R3HCC1L: variants seen among roughly 807,000 people sequenced by gnomAD.
R3HCC1L encodes R3H domain and coiled-coil containing 1 like, also known as coiled-coil domain-containing protein R3HCC1L.
In R3HCC1L, 51 loss-of-function variants were observed where a neutral mutation model predicts 59.9. The ratio of observed to expected loss-of-function variants is 0.85; its 90% CI spans 0.68 to 1.07. The LOEUF is 1.07. R3HCC1L is among the 50% of genes least tolerant of loss of function. The probability of loss-of-function intolerance (pLI) is 0.00; values close to 1 mark genes in which losing one functional copy is unlikely to be tolerated. For missense variants in R3HCC1L, 965 were observed against 933.0 expected (o/e 1.03, Z -0.45); for synonymous variants, 322 against 315.2 (o/e 1.02, Z -0.23).
At chr10:98,186,695 T>C (rs1850255092) in intron 4 of R3HCC1L, 1 of 177,608 alleles carries the variant, frequency 5.6e-6, no homozygotes, top group South Asian at 1.9e-4. Context: ...GATAAACAGC[T>C]CTCATATGAT....
At chr10:98,141,885 G>T (rs189430600) in intron 1 of R3HCC1L, among the ~76,000 whole-genome samples, 1 of 152,292 alleles carries the variant, frequency 6.6e-6, no homozygotes, top group East Asian at 1.9e-4. Context: ...AGTTACATGG[G>T]ATCTGCTTCT....
chr10:98,162,672 T>G (rs201304851), intron 2 of R3HCC1L, among the ~76,000 whole-genome samples: 4 of 148,030 alleles, frequency 2.7e-5, no homozygotes, highest in Admixed American at 1.4e-4. Context: ...GTGTGTGTGT[T>G]TGTGTGTGTG....
chr10:98,139,500 G>A (rs986831431), intron 1 of R3HCC1L, among the ~76,000 whole-genome samples: 1 of 152,210 alleles, frequency 6.6e-6, no homozygotes, highest in Non-Finnish European at 1.5e-5. Context: ...CCCTCCTTCT[G>A]TTGTGCTACC....
In R3HCC1L at chr10:98,209,443, C is replaced by T. The variant is rs1291345123; in HGVS notation, c.1329C>T (p.Cys443=). 1 of 1,613,490 alleles carries T rather than the reference C, an allele frequency of 6.2e-7. No homozygotes were observed. Among genetic ancestry groups the T allele is most frequent in the Non-Finnish European group, 8.5e-7 (1 of 1,179,988 alleles). The part of the protein sequence containing the change: ...DTEDFSNPSA[C]SDIYGESISS... ...AAGATTTCAGCAACCCTTCTGCTTGCTCAGATATTTATGGTGAGAGTATTT... is the reference window on the plus strand; with the variant it reads ...AAGATTTCAGCAACCCTTCTGCTTGTTCAGATATTTATGGTGAGAGTATTT... Residue 443 remains cysteine, a synonymous_variant, in exon 5 of 10, where the codon TGC becomes TGT. Coordinates refer to ENST00000298999, the MANE Select transcript of R3HCC1L (RefSeq NM_001351015.2).
intron 4 of R3HCC1L, among the ~76,000 whole-genome samples, chr10:98,175,762 G>T (rs1848949928): frequency 6.6e-6 from 1 of 152,134 alleles, no homozygotes; most frequent in Non-Finnish European, 1.5e-5. Flanking sequence ...TTGAAGAGCA[G>T]AAGTTTGAAT....
chr10:98,143,060 T>C (rs1564981140), intron 1 of R3HCC1L, among the ~76,000 whole-genome samples: 1 of 152,264 alleles, frequency 6.6e-6, no homozygotes, highest in Non-Finnish European at 1.5e-5. Context: ...ATTAACCTTT[T>C]CTAAATCTGA....
chr10:98,167,663 T>A (rs74153516), intron 4 of R3HCC1L, among the ~76,000 whole-genome samples: 2 of 152,360 alleles, frequency 1.3e-5, no homozygotes, highest in African/African-American at 4.8e-5. Context: ...TGTGTTTTAG[T>A]CTTACAGTAG....
At chr10:98,195,452 T>G (rs2134968675) in intron 4 of R3HCC1L, among the ~76,000 whole-genome samples, 1 of 152,180 alleles carries the variant, frequency 6.6e-6, no homozygotes, top group African/African-American at 2.4e-5. Context: ...GTTCTTTTTT[T>G]TTTTTTTACT....
intron 4 of R3HCC1L, among the ~76,000 whole-genome samples, chr10:98,187,459 A>G (rs941536607): frequency 1.3e-5 from 2 of 152,120 alleles, no homozygotes; most frequent in Non-Finnish European, 2.9e-5. Flanking sequence ...TTATGTTTAC[A>G]TATTTCCCAT....
At chr10:98,205,690 C>T (rs145896357) in intron 4 of R3HCC1L, among the ~76,000 whole-genome samples, 18 of 152,138 alleles carry the variant, frequency 1.2e-4, no homozygotes, top group African/African-American at 3.9e-4. Context: ...ATTTATTATA[C>T]TGATTTTCAG....
At chr10:98,151,421 C>G (rs1846145525) in intron 1 of R3HCC1L, among the ~76,000 whole-genome samples, 1 of 152,134 alleles carries the variant, frequency 6.6e-6, no homozygotes. Flanking sequence ...TGAGGATTGG[C>G]TCTGAGAACA....
chr10:98,223,219 A>G (rs1409829494), intron 5 of R3HCC1L, among the ~76,000 whole-genome samples: 1 of 152,198 alleles, frequency 6.6e-6, no homozygotes, highest in East Asian at 1.9e-4. Flanking sequence ...TACCAAAGCC[A>G]CGCAGAGACA....
chr10:98,233,779 A>G (rs916086809), intron 6 of R3HCC1L, among the ~76,000 whole-genome samples: 1 of 152,210 alleles, frequency 6.6e-6, no homozygotes. Flanking sequence ...ATCTGGTCTG[A>G]TATTTCTCTT....
chr10:98,169,095 T>C (rs1253752078), intron 4 of R3HCC1L, among the ~76,000 whole-genome samples: 1 of 152,220 alleles, frequency 6.6e-6, no homozygotes, highest in Non-Finnish European at 1.5e-5. Context: ...TGGAAGGTTA[T>C]TGGAAATAGG....
At chr10:98,159,998 A>T (rs1166931031) in intron 2 of R3HCC1L, among the ~76,000 whole-genome samples, 1 of 152,200 alleles carries the variant, frequency 6.6e-6, no homozygotes, top group Non-Finnish European at 1.5e-5. Flanking sequence ...AAAAGCAGTG[A>T]GTTTATACAG....
At chr10:98,176,087 ATG>A (rs1472785455) in intron 4 of R3HCC1L, among the ~76,000 whole-genome samples, 6 of 152,124 alleles carry the variant, frequency 3.9e-5, no homozygotes, top group Non-Finnish European at 8.8e-5. Context: ...TTGTTCATAT[ATG>A]TGTGAGTCTT....
At chr10:98,181,791 A>C (rs1223456897) in intron 4 of R3HCC1L, among the ~76,000 whole-genome samples, 3 of 152,112 alleles carry the variant, frequency 2.0e-5, no homozygotes, top group African/African-American at 7.2e-5. Context: ...CCTTTATTCC[A>C]GTTGATCGAA....
rs758028094 is a variant in R3HCC1L, at chr10:98,236,074, A to G, written c.2179A>G (p.Arg727Gly). The change falls in exon 9 of 10, where the codon AGA becomes GGA. Residue 727 changes from arginine to glycine, a missense_variant. Coordinates refer to ENST00000298999, the MANE Select transcript of R3HCC1L (RefSeq NM_001351015.2). ...ERPETSAALA[R>G]RLVISALGVR... ...TCCTGAGACTTCAGCAGCCCTAGCC[A>G]GAAGGTTAGTCATCAGTGCCCTTGG... 3 of 1,614,016 alleles carry G rather than the reference A, an allele frequency of 1.9e-6. No individual in the cohort carries two copies. Among genetic ancestry groups the G allele is most frequent in the Admixed American group, 1.7e-5 (1 of 60,004 alleles).
At chr10:98,243,533 T>C (rs1360663705) in intron 9 of R3HCC1L, among the ~76,000 whole-genome samples, 3 of 152,238 alleles carry the variant, frequency 2.0e-5, no homozygotes, top group Non-Finnish European at 4.4e-5. Context: ...CATATTGTAA[T>C]TGTATATTCC....
Sources: allele counts gnomAD v4.1 joint callset (sites outside exome capture counted in the v4.1 genomes callset), GRCh38; gene constraint gnomAD v4.1.1; transcripts MANE v1.5; gene names NCBI Gene and HGNC (gene_info 2026-07-23, HGNC 2026-07-21).